ASB3: variants seen among roughly 807,000 people sequenced by gnomAD.
ASB3 encodes the protein ankyrin repeat and SOCS box containing 3, also known as ankyrin repeat and SOCS box protein 3.
ASB3 carries 41 observed loss-of-function variants against 54.5 expected under a neutral mutation model. That is an observed-to-expected ratio of 0.75 (90% CI 0.59 to 0.98). ASB3 has a LOEUF of 0.98. ASB3 is among the 50% of genes least tolerant of loss of function. ASB3 has a pLI of 0.00. For synonymous variants in ASB3, 266 were observed against 221.2 expected (o/e 1.20, Z -1.80); for missense variants, 733 against 620.0 (o/e 1.18, Z -1.94).
At chr2:53,729,391 G>C (rs905353739) in intron 4 of ASB3, 67 bp downstream of exon 4, 1 of 1,530,622 alleles carries the variant, frequency 6.5e-7, no homozygotes, top group Non-Finnish European at 9.0e-7. Flanking sequence ...AACTGCATAG[G>C]ACTGTCATTT....
chr2:53,689,806 CT>C (rs1230032760), intron 9 of ASB3, among the ~76,000 whole-genome samples: 5 of 152,122 alleles, frequency 3.3e-5, no homozygotes, highest in African/African-American at 1.2e-4. Context: ...TTTCATTTTT[CT>C]TTTGCTTCTA....
At position 53,772,108 on chromosome 2, in the gene ASB3, A is replaced by G. The variant is rs527521109; in HGVS notation, c.-13-6523T>C. On this transcript the variant is annotated intron_variant, in intron 1 of 9. Coordinates refer to ENST00000263634, the MANE Select transcript of ASB3 (RefSeq NM_016115.5). The stretch of plus-strand genomic sequence containing the variant: ...TTTGTGTTTGTGAAAACTGAGGCCA[A>G]TAAGAAAAGTTAGAATGCAGAGTGC... Among the ~76,000 whole-genome samples, 81 of 152,266 alleles carry G rather than the reference A, an allele frequency of 5.3e-4. No individual in the cohort carries two copies. In the South Asian group the frequency reaches 0.017, roughly 31 times the overall value.
chr2:53,704,667 A>G (rs1296262992), intron 7 of ASB3, among the ~76,000 whole-genome samples: 1 of 152,206 alleles, frequency 6.6e-6, no homozygotes, highest in Admixed American at 6.5e-5. Flanking sequence ...AGAAACTCAA[A>G]ATGAATAAGT....
intron 8 of ASB3, among the ~76,000 whole-genome samples, chr2:53,699,174 A>G (rs573191838): frequency 6.6e-6 from 1 of 152,302 alleles, no homozygotes; most frequent in Admixed American, 6.5e-5. Flanking sequence ...TATCAGCTCC[A>G]GTCTCTCTTC....
chr2:53,723,866 T>G (rs1028901791), intron 5 of ASB3, among the ~76,000 whole-genome samples: 23 of 152,190 alleles, frequency 1.5e-4, no homozygotes, highest in African/African-American at 4.3e-4. Flanking sequence ...GGTGCTAGTA[T>G]AGCTGGCTAG....
At chr2:53,736,562 G>A (rs2103944249) in intron 3 of ASB3, among the ~76,000 whole-genome samples, 1 of 152,250 alleles carries the variant, frequency 6.6e-6, no homozygotes, top group Non-Finnish European at 1.5e-5. Flanking sequence ...AGCCAGGCAT[G>A]TTGGCGGGCG....
In ASB3 at chr2:53,729,552, A is replaced by C. The variant is rs1249551646; in HGVS notation, c.374T>G (p.Ile125Arg). ...PLFLAVENGQ[I>R]DVLRLLLQHG... ...TTGAAGCAACAGCCTTAACACATCT[A>C]TCTGTCCATTTTCAACAGCTGTAAT... The change falls in exon 4 of 10, where the codon ATA (isoleucine) becomes AGA (arginine). Residue 125 changes from isoleucine (I) to arginine (R), a missense_variant. Physicochemically the swap from Ile to Arg is moderately conservative, Grantham distance 97 (BLOSUM62 -3). Transcript: ENST00000263634. The C allele has an allele frequency of 1.2e-6, 2 of 1,613,694 alleles. No homozygotes were observed.
chr2:53,704,602 G>T (rs1379849309), intron 7 of ASB3, among the ~76,000 whole-genome samples: 2 of 151,906 alleles, frequency 1.3e-5, no homozygotes, highest in African/African-American at 4.8e-5. Context: ...ACATACCAAA[G>T]CAAAACCTAC....
chr2:53,735,781 T>C (rs1402826657), intron 3 of ASB3, among the ~76,000 whole-genome samples: 1 of 152,138 alleles, frequency 6.6e-6, no homozygotes, highest in African/African-American at 2.4e-5. Flanking sequence ...TAGCATGGTA[T>C]TGGCACAGGA....
At chr2:53,682,875 G>C (rs1226475652) in intron 9 of ASB3, among the ~76,000 whole-genome samples, 1 of 152,202 alleles carries the variant, frequency 6.6e-6, no homozygotes, top group African/African-American at 2.4e-5. Flanking sequence ...TAGGTTTTTG[G>C]TGGAGTCTTT....
At chr2:53,752,773 A>G (rs1438461456) in intron 2 of ASB3, among the ~76,000 whole-genome samples, 1 of 152,228 alleles carries the variant, frequency 6.6e-6, no homozygotes, top group East Asian at 1.9e-4. Context: ...AGTTAGAAAA[A>G]GTGAAGTAAT....
intron 7 of ASB3, among the ~76,000 whole-genome samples, chr2:53,711,204 A>G (rs1030889395): frequency 1.1e-4 from 17 of 152,188 alleles, no homozygotes; most frequent in African/African-American, 3.9e-4. Context: ...AGGAATATGC[A>G]AATTCATATG....
At position 53,746,741 on chromosome 2, in the gene ASB3, A is replaced by C. The variant is rs368885207; in HGVS notation, c.355+4042T>G. On this transcript the variant is annotated intron_variant, in intron 3 of 9. Coordinates refer to ENST00000263634, the MANE Select transcript of ASB3 (RefSeq NM_016115.5). Reference sequence around the variant, plus strand: ...GTGATCCGCCCGCCTCGGCCTCCCAAAGTGCTGAGATTACAAATGTGAGCT... The same window carrying C: ...GTGATCCGCCCGCCTCGGCCTCCCACAGTGCTGAGATTACAAATGTGAGCT... 1.2e-3 allele frequency among the ~76,000 whole-genome samples: 177 copies of C among 152,114 alleles called. 1 individual carries two copies. The highest frequency in any genetic ancestry group is 3.9e-3 in the African/African-American group (162 of 41,516).
At chr2:53,776,761 G>C (rs1674361351) in intron 1 of ASB3, among the ~76,000 whole-genome samples, 1 of 152,162 alleles carries the variant, frequency 6.6e-6, no homozygotes, top group South Asian at 2.1e-4. Flanking sequence ...CGAGGCTGCA[G>C]TGAGCCATGA....
chr2:53,761,796 C>CAA (rs1673163411), intron 2 of ASB3, among the ~76,000 whole-genome samples: 1 of 152,200 alleles, frequency 6.6e-6, no homozygotes, highest in Non-Finnish European at 1.5e-5. Flanking sequence ...TCTAACTTAT[C>CAA]AAACAGTAAT....
chr2:53,784,507 G>A (rs1674825262), intron 1 of ASB3, among the ~76,000 whole-genome samples: 2 of 152,188 alleles, frequency 1.3e-5, no homozygotes, highest in African/African-American at 4.8e-5. Context: ...AGAAACTAGA[G>A]GTCAGAAATC....
intron 7 of ASB3, among the ~76,000 whole-genome samples, chr2:53,710,774 T>G (rs189281439): frequency 3.9e-5 from 6 of 152,164 alleles, no homozygotes; most frequent in Non-Finnish European, 8.8e-5. Context: ...CTTGGACCCA[T>G]GAATGTGCCA....
At chr2:53,748,802 G>A (rs940182481) in intron 3 of ASB3, among the ~76,000 whole-genome samples, 8 of 152,014 alleles carry the variant, frequency 5.3e-5, no homozygotes, top group African/African-American at 1.7e-4. Context: ...GATTCATCAC[G>A]GACCAAAATC....
At chr2:53,753,538 T>C (rs1672647598) in intron 2 of ASB3, among the ~76,000 whole-genome samples, 1 of 152,160 alleles carries the variant, frequency 6.6e-6, no homozygotes, top group South Asian at 2.1e-4. Flanking sequence ...ACATGGGTTA[T>C]AATATATAAA....
Sources: allele counts gnomAD v4.1 joint callset (sites outside exome capture counted in the v4.1 genomes callset), GRCh38; gene constraint gnomAD v4.1.1; transcripts MANE v1.5; gene names NCBI Gene and HGNC (gene_info 2026-07-23, HGNC 2026-07-21).